The following ATP11A variants were observed in gnomAD, a reference collection of about 807,000 sequenced individuals.
ATP11A encodes phospholipid-transporting ATPase IH.
In ATP11A, 81 loss-of-function variants were observed where a neutral mutation model predicts 154.4. The ratio of observed to expected loss-of-function variants is 0.52; its 90% CI spans 0.44 to 0.63. The LOEUF is 0.63. ATP11A is among the 30% of genes least tolerant of loss of function. The pLI is 0.00. For synonymous variants in ATP11A, 623 were observed against 585.9 expected, an observed-to-expected ratio of 1.06 and a Z score of -0.91; for missense variants, 1,316 against 1,474.3, an observed-to-expected ratio of 0.89 and a Z score of 1.76.
rs148708124 is a variant in ATP11A at position 112,753,640 on chromosome 13, A to T, written c.40-31495A>T. Among the ~76,000 whole-genome samples, 512 of 152,242 alleles carry T rather than the reference A, an allele frequency of 3.4e-3. 3 individuals are homozygous for T. Among genetic ancestry groups the T allele is most frequent in the Non-Finnish European group, 5.5e-3 (373 of 68,026 alleles). ...AACAGCTTGTTTATATCTTTTGCCC[A>T]TCTTTCATTTGGGTTGTGTCTTGAG... is the stretch of plus-strand genomic sequence containing the variant. On this transcript the variant is annotated intron_variant, in intron 1 of 29. Coordinates refer to ENST00000375645, the MANE Select transcript of ATP11A (RefSeq NM_015205.3). The surrounding 1 kb of genome is among the most constrained non-coding windows in gnomAD (Gnocchi z 4.1).
chr13:112,875,875 C>G lies in ATP11A; in HGVS notation c.3261C>G (p.Leu1087=). ...LAIVLLVTIS[L]LPDVLKKVLC... is the part of the protein sequence containing the mutation. ...TCGTGCTGCTGGTGACCATCAGCCT[C>G]CTTCCCGACGTCCTCAAGAAAGTCC... Residue 1087 remains leucine, a synonymous_variant, in exon 28 of 30, where the codon CTC becomes CTG. Coordinates refer to ENST00000375645, the MANE Select transcript of ATP11A (RefSeq NM_015205.3). This position sits in a 1 kb window ranked among gnomAD's most constrained non-coding sequence, Gnocchi z 4.1. 6.2e-7 allele frequency: 1 copy of G among 1,613,892 alleles called. No individual in the cohort carries two copies.
At position 112,880,082 on chromosome 13, in the gene ATP11A, G is replaced by A. The variant is rs2080840044; in HGVS notation, c.*9+1779G>A. On this transcript the variant is annotated intron_variant, in intron 29 of 29. Transcript: ENST00000375645. ...AGCTCCTGTGCTTCCCTTATTCCTT[G>A]AATAAGGCTGGGCTACAAGATCTCA... 3.9e-5 allele frequency among the ~76,000 whole-genome samples: 6 copies of A among 152,308 alleles called. No homozygotes were observed. In the South Asian group the frequency reaches 1.2e-3, roughly 32 times the overall value.
chr13:112,731,377 G>C (rs1487368590), intron 1 of ATP11A, among the ~76,000 whole-genome samples: 1 of 152,170 alleles, frequency 6.6e-6, no homozygotes, highest in Admixed American at 6.5e-5. Context: ...AGCAGAAATA[G>C]AAACTAAGTA....
chr13:112,878,089 GACTA>G, intron 28 of ATP11A, 124 bp from the exon 29 acceptor site: 1 of 878,406 alleles, frequency 1.1e-6, no homozygotes, highest in Non-Finnish European at 1.8e-6. Flanking sequence ...GCGAGCCTCT[GACTA>G]ACTCAGCTCT....
rs903297499 is a variant in ATP11A at position 112,690,724 on chromosome 13, C to G, written c.39+269C>G. Among the ~76,000 whole-genome samples the G allele has an allele frequency of 6.6e-6, 1 of 152,142 alleles. No individual in the cohort carries two copies. Among genetic ancestry groups the G allele is most frequent in the Admixed American group, 6.5e-5 (1 of 15,308 alleles). On this transcript the variant is annotated intron_variant, in intron 1 of 29. Coordinates refer to ENST00000375645, the MANE Select transcript of ATP11A (RefSeq NM_015205.3). The surrounding 1 kb of genome is among the most constrained non-coding windows in gnomAD (Gnocchi z 5.6). ...CCTGGCCGCGGCCGCCTGGCGCCCC[C>G]TTCCCGCCCGCAGCGCCCTGGGGGT...
In ATP11A at chr13:112,845,652, C is replaced by G. The variant is rs1407449336; in HGVS notation, c.1809+3273C>G. On this transcript the variant is annotated intron_variant, in intron 17 of 29. Coordinates refer to ENST00000375645, the MANE Select transcript of ATP11A (RefSeq NM_015205.3). ...AGTCCAGTTGCCAGCACTAGCGGTA[C>G]TATTCAGTCCAGTTACCAGGCACTA... is the stretch of plus-strand genomic sequence containing the variant. 1.6e-5 allele frequency among the ~76,000 whole-genome samples: 2 copies of G among 121,770 alleles called. 1 individual carries two copies. The highest frequency in any genetic ancestry group is 7.8e-5 in the African/African-American group (2 of 25,556). 79.9% of individuals were successfully genotyped at this position (121,770 alleles called of 152,430 possible).
chr13:112,717,334 C>G (rs879336500), intron 1 of ATP11A: 4 of 152,202 alleles, frequency 2.6e-5, no homozygotes, highest in Non-Finnish European at 5.9e-5. Context: ...CATGCCCCCC[C>G]GCCATCCCAG....
At chr13:112,872,543 G>A (rs1594242756) in intron 26 of ATP11A, among the ~76,000 whole-genome samples, 2 of 152,236 alleles carry the variant, frequency 1.3e-5, no homozygotes, top group African/African-American at 4.8e-5. Flanking sequence ...CCCGGGAGGT[G>A]GAGGTTGCAG....
At chr13:112,769,397 T>G (rs1398515720) in intron 1 of ATP11A, among the ~76,000 whole-genome samples, 2 of 152,214 alleles carry the variant, frequency 1.3e-5, no homozygotes, top group Non-Finnish European at 2.9e-5. Context: ...CTCTGCCCGC[T>G]GCGTTTGGGG....
chr13:112,872,200 A>G (rs2080545098), intron 26 of ATP11A, among the ~76,000 whole-genome samples: 1 of 152,260 alleles, frequency 6.6e-6, no homozygotes, highest in African/African-American at 2.4e-5. Flanking sequence ...GTGAAATTAT[A>G]TACAGAATAT....
chr13:112,854,215 T>G, intron 18 of ATP11A, 64 bp from the exon 19 acceptor site: 1 of 1,538,268 alleles, frequency 6.5e-7, no homozygotes, highest in Non-Finnish European at 8.7e-7. Context: ...CTGCAGTTCC[T>G]TATTTGGATT....
rs1253543581 is a variant in ATP11A at position 112,858,162 on chromosome 13, G to T, written c.2539G>T (p.Gly847Cys). The change falls in exon 22 of 30, where the codon GGC (glycine) becomes TGC (cysteine). Residue 847 changes from glycine to cysteine, a missense_variant. Gly to Cys is a radical substitution (Grantham distance 159). This residue lies in a region of ATP11A where 876 missense variants were observed against 1,006.8 expected (regional missense o/e 0.87). Coordinates refer to ENST00000375645, the MANE Select transcript of ATP11A (RefSeq NM_015205.3). Reference sequence around the variant, plus strand: ...TCTTCTAGGTGTCATCGGCAAGGAAGGCCGCCAGGCTGCCAGGAACAGCGA... The same window carrying T: ...TCTTCTAGGTGTCATCGGCAAGGAATGCCGCCAGGCTGCCAGGAACAGCGA... ...HVGIGVIGKE[G>C]RQAARNSDYA... is the part of the protein sequence containing the mutation. 1 of 1,613,686 alleles carries T rather than the reference G, an allele frequency of 6.2e-7. No individual in the cohort carries two copies. The highest frequency in any genetic ancestry group is 8.5e-7 in the Non-Finnish European group (1 of 1,179,834).
intron 5 of ATP11A, among the ~76,000 whole-genome samples, chr13:112,813,728 G>A (rs906747162): frequency 4.6e-5 from 7 of 151,828 alleles, no homozygotes; most frequent in African/African-American, 1.5e-4. Flanking sequence ...CACGCACGAC[G>A]TTGCCAGCAT....
intron 1 of ATP11A, among the ~76,000 whole-genome samples, chr13:112,707,429 A>G (rs1887269424): frequency 6.6e-6 from 1 of 151,736 alleles, no homozygotes; most frequent in Non-Finnish European, 1.5e-5. Flanking sequence ...AAAAAAAAAA[A>G]AAAAAGAAGA....
intron 17 of ATP11A, among the ~76,000 whole-genome samples, chr13:112,848,140 A>G (rs1051923300): frequency 2.0e-5 from 3 of 152,204 alleles, no homozygotes; most frequent in Non-Finnish European, 2.9e-5. Context: ...TGGGATGTTG[A>G]TAGGATTTCA....
At position 112,884,488 on chromosome 13, in the gene ATP11A, T is replaced by G. The variant is rs1388834606; in HGVS notation, c.*2622T>G. The G allele has an allele frequency of 6.6e-6, 1 of 152,296 alleles. No homozygotes were observed. The highest frequency in any genetic ancestry group is 1.5e-5 in the Non-Finnish European group (1 of 68,046). 9.4% of individuals were successfully genotyped at this position (152,296 alleles called of 1,614,324 possible). ...ATTATTAAATGAATGTGCCTGATGATTTGAAATAGACAAGGGGCACGAGAT... is the reference window on the plus strand; with the variant it reads ...ATTATTAAATGAATGTGCCTGATGAGTTGAAATAGACAAGGGGCACGAGAT... On this transcript the variant is annotated 3_prime_UTR_variant, in exon 30 of 30. Coordinates refer to ENST00000375645, the MANE Select transcript of ATP11A (RefSeq NM_015205.3).
chr13:112,691,491 TG>T (rs1566331566), intron 1 of ATP11A, among the ~76,000 whole-genome samples: 2 of 140,092 alleles, frequency 1.4e-5, no homozygotes, highest in African/African-American at 5.5e-5. Flanking sequence ...AGGGTGTGTG[TG>T]TGTGTGTGTG....
chr13:112,691,849 C>CCTTA, intron 1 of ATP11A, among the ~76,000 whole-genome samples: 1 of 152,066 alleles, frequency 6.6e-6, no homozygotes, highest in Admixed American at 6.6e-5. Context: ...CTTGAGTGCA[C>CCTTA]CTTACATCGT....
chr13:112,879,659 C>T (rs2140447150), intron 29 of ATP11A, among the ~76,000 whole-genome samples: 1 of 152,360 alleles, frequency 6.6e-6, no homozygotes, highest in East Asian at 1.9e-4. Flanking sequence ...ACAGGGCCGG[C>T]GTCCACACTT....
Sources: allele counts gnomAD v4.1 joint callset (sites outside exome capture counted in the v4.1 genomes callset), GRCh38; gene constraint gnomAD v4.1.1; regional missense constraint gnomAD v4.1.1; non-coding constraint Gnocchi (gnomAD v3.1); transcripts MANE v1.5; gene names NCBI Gene and HGNC (gene_info 2026-07-23, HGNC 2026-07-21).